CNTN4: variants seen among roughly 807,000 people sequenced by gnomAD.
The protein encoded by CNTN4 is contactin-4.
A neutral mutation model predicts 122.5 loss-of-function variants in CNTN4; 77 were observed. The ratio of observed to expected loss-of-function variants is 0.63; its 90% CI spans 0.52 to 0.76. CNTN4 has a LOEUF of 0.76. Ranked by LOEUF, CNTN4 falls within the 30% of genes least tolerant of loss-of-function variation. The pLI, the probability that CNTN4 is intolerant of heterozygous loss-of-function variation, is 0.00. For synonymous variants in CNTN4, 512 were observed against 447.0 expected, an observed-to-expected ratio of 1.15 and a Z score of -1.83; for missense variants, 1,256 against 1,259.1, an observed-to-expected ratio of 1.00 and a Z score of 0.04.
At chr3:2,560,532 A>AT in intron 3 of CNTN4, among the ~76,000 whole-genome samples, 1 of 152,294 alleles carries the variant, frequency 6.6e-6, no homozygotes, top group South Asian at 2.1e-4. Context: ...GGTGGTAACC[A>AT]TTTTACTTGT....
chr3:2,252,864 A>C (rs920344742), intron 2 of CNTN4, among the ~76,000 whole-genome samples: 1 of 152,110 alleles, frequency 6.6e-6, no homozygotes, highest in African/African-American at 2.4e-5. Flanking sequence ...AAATTGTTTA[A>C]TACTTCTTTG....
chr3:2,430,413 C>G (rs1222285699), intron 3 of CNTN4, among the ~76,000 whole-genome samples: 4 of 142,340 alleles, frequency 2.8e-5, no homozygotes, highest in African/African-American at 1.1e-4. Flanking sequence ...CAGAGCAAGA[C>G]TCTTGTCTCA....
At chr3:2,228,085 A>G (rs1393784867) in intron 2 of CNTN4, among the ~76,000 whole-genome samples, 1 of 152,152 alleles carries the variant, frequency 6.6e-6, no homozygotes, top group Non-Finnish European at 1.5e-5. Flanking sequence ...ATGGTTTTGC[A>G]TATGGTTTAA....
intron 7 of CNTN4, among the ~76,000 whole-genome samples, chr3:2,840,472 G>A (rs539199030): frequency 4.4e-4 from 65 of 147,980 alleles, no homozygotes; most frequent in South Asian, 3.6e-3. Flanking sequence ...AGGCCGAGGC[G>A]GGCGGATCAC....
intron 2 of CNTN4, among the ~76,000 whole-genome samples, chr3:2,332,107 T>C (rs1210389487): frequency 6.6e-6 from 1 of 152,180 alleles, no homozygotes; most frequent in South Asian, 2.1e-4. Context: ...GGCTCTTTGT[T>C]GTAAATATTT....
At chr3:2,304,245 T>A (rs1300395695) in intron 2 of CNTN4, among the ~76,000 whole-genome samples, 2 of 152,220 alleles carry the variant, frequency 1.3e-5, no homozygotes, top group East Asian at 3.8e-4. Context: ...TTATCCTTCA[T>A]ATCAAATTAA....
chr3:2,967,635 A>G (rs577351103), intron 13 of CNTN4, among the ~76,000 whole-genome samples: 1 of 152,292 alleles, frequency 6.6e-6, no homozygotes, highest in Non-Finnish European at 1.5e-5. Flanking sequence ...TGTTTAGGTC[A>G]GATCGCTTTT....
At chr3:2,457,076 T>C (rs12715056) in intron 3 of CNTN4, among the ~76,000 whole-genome samples, 109,093 of 151,910 alleles carry the variant, frequency 0.72, 39,739 homozygotes, top group African/African-American at 0.84. Context: ...GCCAGGTTCC[T>C]GAGTCTGTAC....
intron 2 of CNTN4, among the ~76,000 whole-genome samples, chr3:2,200,167 C>G (rs1188089814): frequency 3.9e-5 from 6 of 152,000 alleles, no homozygotes; most frequent in African/African-American, 1.4e-4. Context: ...GTAGCCCAAG[C>G]AAGAGATGAT....
At chr3:2,775,114 G>A (rs1576742173) in intron 6 of CNTN4, among the ~76,000 whole-genome samples, 1 of 152,194 alleles carries the variant, frequency 6.6e-6, no homozygotes, top group Non-Finnish European at 1.5e-5. Context: ...CATCTTAAAG[G>A]CATTAATCTT....
chr3:2,452,584 G>A (rs9858788), intron 3 of CNTN4, among the ~76,000 whole-genome samples: 180 of 152,122 alleles, frequency 1.2e-3, no homozygotes, highest in Non-Finnish European at 1.2e-3. Flanking sequence ...GCATGCGCAC[G>A]GTTCCTGAAA....
intron 3 of CNTN4, among the ~76,000 whole-genome samples, chr3:2,507,011 A>G (rs976933615): frequency 1.3e-5 from 2 of 152,218 alleles, no homozygotes; most frequent in Non-Finnish European, 2.9e-5. Context: ...GAACTAGCTC[A>G]TTGTGCTGAA....
At chr3:2,421,741 A>G (rs751834834) in intron 3 of CNTN4, among the ~76,000 whole-genome samples, 19 of 152,214 alleles carry the variant, frequency 1.2e-4, no homozygotes, top group Non-Finnish European at 2.2e-4. Flanking sequence ...TTGTAATACA[A>G]TTGCTGACTA....
intron 4 of CNTN4, among the ~76,000 whole-genome samples, chr3:2,610,652 G>A (rs1385181010): frequency 1.3e-5 from 2 of 152,138 alleles, no homozygotes; most frequent in Admixed American, 6.6e-5. Flanking sequence ...GTAAATTCTA[G>A]GTAGAGAACA....
At chr3:2,154,715 T>G (rs1336873524) in intron 2 of CNTN4, among the ~76,000 whole-genome samples, 1 of 152,252 alleles carries the variant, frequency 6.6e-6, no homozygotes, top group African/African-American at 2.4e-5. Context: ...GAGACTTGAA[T>G]GATTGTGATC....
At chr3:2,628,913 A>G (rs137909732) in intron 4 of CNTN4, among the ~76,000 whole-genome samples, 106 of 152,342 alleles carry the variant, frequency 7.0e-4, no homozygotes, top group African/African-American at 2.3e-3. Context: ...TGTCTGAGAA[A>G]AGCTTCCCCA....
At chr3:2,799,218 C>T (rs76799669) in intron 6 of CNTN4, among the ~76,000 whole-genome samples, 1 of 152,160 alleles carries the variant, frequency 6.6e-6, no homozygotes, top group East Asian at 1.9e-4. Flanking sequence ...GGGTTAAGCT[C>T]CTTGAAGATC....
chr3:2,850,732 T>G (rs2093535842), intron 7 of CNTN4, among the ~76,000 whole-genome samples: 1 of 152,208 alleles, frequency 6.6e-6, no homozygotes, highest in Non-Finnish European at 1.5e-5. Flanking sequence ...GAAAAGTCAT[T>G]ACCTATGCGA....
intron 4 of CNTN4, among the ~76,000 whole-genome samples, chr3:2,670,009 C>A (rs2084408844): frequency 6.6e-6 from 1 of 152,158 alleles, no homozygotes; most frequent in Admixed American, 6.6e-5. Context: ...TGCTTTACTT[C>A]CACCTATGTG....
Sources: allele counts gnomAD v4.1 joint callset (sites outside exome capture counted in the v4.1 genomes callset), GRCh38; gene constraint gnomAD v4.1.1; transcripts MANE v1.5; gene names NCBI Gene and HGNC (gene_info 2026-07-23, HGNC 2026-07-21).